Variants in PTPRN2 observed in about 807,000 individuals in gnomAD.
PTPRN2 encodes the protein receptor-type tyrosine-protein phosphatase N2.
In PTPRN2, 74 loss-of-function variants were observed where a neutral mutation model predicts 118.8. The ratio of observed to expected loss-of-function variants is 0.62; its 90% CI spans 0.52 to 0.76. The LOEUF is 0.76. Among genes scored for constraint, PTPRN2 ranks in the 30% least tolerant of loss-of-function variants. The probability of loss-of-function intolerance (pLI) is 0.00; values close to 1 mark genes in which losing one functional copy is unlikely to be tolerated. For synonymous variants in PTPRN2, 641 were observed against 608.0 expected (o/e 1.05, Z -0.80); for missense variants, 1,481 against 1,394.4 (o/e 1.06, Z -0.99).
chr7:158,575,362 C>T (rs181620251), intron 1 of PTPRN2, among the ~76,000 whole-genome samples: 26 of 152,244 alleles, frequency 1.7e-4, no homozygotes, highest in African/African-American at 6.0e-4. Context: ...CACTTTTTAA[C>T]ATTTGCTATT....
chr7:157,579,114 G>T (rs140984997), intron 17 of PTPRN2, among the ~76,000 whole-genome samples: 2 of 152,128 alleles, frequency 1.3e-5, no homozygotes, highest in Non-Finnish European at 2.9e-5. Flanking sequence ...TCATCGTAGC[G>T]CATGTTACTG....
intron 2 of PTPRN2, among the ~76,000 whole-genome samples, chr7:158,472,978 AT>A (rs999103690): frequency 9.6e-6 from 1 of 104,652 alleles, no homozygotes; most frequent in Non-Finnish European, 2.1e-5. Context: ...AGCCACTGAG[AT>A]TAGGCCTGAA....
chr7:158,320,191 ACACACACAGCCTCCC>A (rs1802884824), intron 2 of PTPRN2, among the ~76,000 whole-genome samples: 1 of 133,454 alleles, frequency 7.5e-6, no homozygotes, highest in African/African-American at 3.0e-5. Flanking sequence ...CCTCCCTCGT[ACACACACAGCCTCCC>A]TCACACACAC....
intron 12 of PTPRN2, among the ~76,000 whole-genome samples, chr7:157,824,480 C>T (rs1023444993): frequency 1.3e-5 from 2 of 152,214 alleles, no homozygotes; most frequent in Non-Finnish European, 2.9e-5. Context: ...TTCTCTGTGC[C>T]TGCATGGCGT....
Position 157,787,123 on chromosome 7 carries a change from G to A in PTPRN2, c.1789-104186C>T, listed in dbSNP as rs1804104799. ...CGGGAGGCGGACGCGGGTGCGGCGG[G>A]GGACGCGGGGGTGGCTGCCCGGGAG... On this transcript the variant is annotated intron_variant, in intron 12 of 22. Transcript: ENST00000389418. This position sits in a 1 kb window ranked among gnomAD's most constrained non-coding sequence, Gnocchi z 5.3. Among the ~76,000 whole-genome samples, 1 of 137,120 alleles carries A rather than the reference G, an allele frequency of 7.3e-6. No homozygotes were observed. Among genetic ancestry groups the A allele is most frequent in the Non-Finnish European group, 1.6e-5 (1 of 61,940 alleles). 90.0% of individuals were successfully genotyped at this position (137,120 alleles called of 152,430 possible). A position where few individuals can be genotyped will look rare whatever the true frequency, so the allele number is the denominator to read the frequency against.
rs1015100008 is a variant in PTPRN2, at chr7:157,610,395, A to G, written c.2345-6320T>C. 1.3e-5 allele frequency among the ~76,000 whole-genome samples: 2 copies of G among 152,118 alleles called. No individual in the cohort carries two copies. Among genetic ancestry groups the G allele is most frequent in the African/African-American group, 4.8e-5 (2 of 41,404 alleles). ...GCAGGAGGCCCTCTTCTTCATGTTG[A>G]TGGTGTGGCCTGTGGAGAGGTGGAG... On this transcript the variant is annotated intron_variant, in intron 15 of 22. Coordinates refer to ENST00000389418, the MANE Select transcript of PTPRN2 (RefSeq NM_002847.5). This position sits in a 1 kb window ranked among gnomAD's most constrained non-coding sequence, Gnocchi z 5.1.
At position 158,171,316 on chromosome 7, in the gene PTPRN2, T is replaced by TATACACACATAC. The variant is rs1554571682; in HGVS notation, c.550-4026_550-4025insGTATGTGTGTAT. On this transcript the variant is annotated intron_variant, in intron 5 of 22. Transcript: ENST00000389418. Reference sequence around the variant, plus strand: ...ACACATATATATACACACATATATATATATATATATATATATATATATATA... The same window carrying TATACACACATAC: ...ACACATATATATACACACATATATATATACACACATACATATATATATATATATATATATATA... 1.2e-4 allele frequency among the ~76,000 whole-genome samples: 11 copies of TATACACACATAC among 92,060 alleles called. 1 individual carries two copies. The highest frequency in any genetic ancestry group is 4.7e-4 in the African/African-American group (10 of 21,186). The allele number at this position is 92,060 out of a possible 152,430, so 60.4% of individuals were successfully genotyped here.
At position 158,525,206 on chromosome 7, in the gene PTPRN2, C is replaced by T. The variant is rs1824678492; in HGVS notation, c.113-35421G>A. 6.6e-6 allele frequency among the ~76,000 whole-genome samples: 1 copy of T among 152,162 alleles called. No individual in the cohort carries two copies. The highest frequency in any genetic ancestry group is 2.4e-5 in the African/African-American group (1 of 41,448). ...GAGCACAGCGTGAGGCAGGCCCTGA[C>T]CGCTCTGGAAGGAAAAGCACCTCTG... On this transcript the variant is annotated intron_variant, in intron 1 of 22. Transcript: ENST00000389418. The surrounding 1 kb of genome is among the most constrained non-coding windows in gnomAD (Gnocchi z 4.1).
At chr7:158,094,842 C>T (rs755840266) in intron 10 of PTPRN2, among the ~76,000 whole-genome samples, 1 of 152,164 alleles carries the variant, frequency 6.6e-6, no homozygotes, top group Non-Finnish European at 1.5e-5. Flanking sequence ...GGCTCCACTG[C>T]GCAGTCCCCA....
At position 157,964,205 on chromosome 7, in the gene PTPRN2, G is replaced by A. The variant is rs561222537; in HGVS notation, c.1724-65468C>T. Among the ~76,000 whole-genome samples, 17 of 152,162 alleles carry A rather than the reference G, an allele frequency of 1.1e-4. No individual in the cohort carries two copies. Among genetic ancestry groups the A allele is most frequent in the East Asian group, 1.9e-4 (1 of 5,164 alleles). On this transcript the variant is annotated intron_variant, in intron 11 of 22. Coordinates refer to ENST00000389418, the MANE Select transcript of PTPRN2 (RefSeq NM_002847.5). This position sits in a 1 kb window ranked among gnomAD's most constrained non-coding sequence, Gnocchi z 9.0. Reference sequence around the variant, plus strand: ...GTTGAGTTCTGGTCCTGGTCCCACCGACCTGGGCTGGAGCTCCCAGATGCT... The same window carrying A: ...GTTGAGTTCTGGTCCTGGTCCCACCAACCTGGGCTGGAGCTCCCAGATGCT...
At position 157,893,059 on chromosome 7, in the gene PTPRN2, G is replaced by A. The variant is rs1796894234; in HGVS notation, c.1788+5614C>T. On this transcript the variant is annotated intron_variant, in intron 12 of 22. Coordinates refer to ENST00000389418, the MANE Select transcript of PTPRN2 (RefSeq NM_002847.5). The surrounding 1 kb of genome is among the most constrained non-coding windows in gnomAD (Gnocchi z 4.0). ...TTTTGAAATGTAAAATGGCCACGTG[G>A]AGAAGGATAATGCTCCAGGAGCTGG... Among the ~76,000 whole-genome samples the A allele has an allele frequency of 6.6e-6, 1 of 152,242 alleles. No individual in the cohort carries two copies. Among genetic ancestry groups the A allele is most frequent in the Non-Finnish European group, 1.5e-5 (1 of 68,044 alleles).
At chr7:157,578,189 C>G (rs1347515439) in intron 17 of PTPRN2, 49 bp from the exon 18 acceptor site, 2 of 1,559,464 alleles carry the variant, frequency 1.3e-6, no homozygotes, top group Admixed American at 1.8e-5. Flanking sequence ...CTCATCACCG[C>G]GTGACATGTG....
chr7:158,103,710 A>C (rs1487561588), intron 10 of PTPRN2, among the ~76,000 whole-genome samples: 2 of 152,184 alleles, frequency 1.3e-5, no homozygotes, highest in East Asian at 3.9e-4. Context: ...GTGCCAGGTC[A>C]GTGCAGGCCC....
At chr7:158,222,701 A>G (rs1385281406) in intron 3 of PTPRN2, among the ~76,000 whole-genome samples, 1 of 152,228 alleles carries the variant, frequency 6.6e-6, no homozygotes, top group Non-Finnish European at 1.5e-5. Flanking sequence ...TGTACCCTCA[A>G]ACCGAAAACA....
chr7:158,051,859 T>C (rs909263755), intron 11 of PTPRN2, among the ~76,000 whole-genome samples: 1 of 152,268 alleles, frequency 6.6e-6, no homozygotes, highest in African/African-American at 2.4e-5. Context: ...TAAACAGCTT[T>C]GCAGGCTTGG....
chr7:157,942,136 C>T (rs62475375), intron 11 of PTPRN2, among the ~76,000 whole-genome samples: 23,420 of 146,502 alleles, frequency 0.16, 2,199 homozygotes, highest in Middle Eastern at 0.2. Context: ...GCCTTCCACA[C>T]GCACAGGGGT....
chr7:157,649,653 C>T lies in PTPRN2; in HGVS notation c.2196+6704G>A, dbSNP rs202021566. On this transcript the variant is annotated intron_variant, in intron 14 of 22. Transcript: ENST00000389418. ...TCACTGTGCACTGAACTCGGTGGGT[C>T]GGACCCATCCAGCGTGCACTGAACT... Among the ~76,000 whole-genome samples, 67 of 53,772 alleles carry T rather than the reference C, an allele frequency of 1.2e-3. 6 individuals carry two copies. Among genetic ancestry groups the T allele is most frequent in the Non-Finnish European group, 2.0e-3 (39 of 19,982 alleles). 35.3% of individuals were successfully genotyped at this position (53,772 alleles called of 152,430 possible).
At chr7:158,549,584 G>A (rs533702213) in intron 1 of PTPRN2, among the ~76,000 whole-genome samples, 4 of 152,406 alleles carry the variant, frequency 2.6e-5, no homozygotes, top group South Asian at 2.1e-4. Context: ...GCTGGGCTTC[G>A]CCTGAGCGCT....
rs1373210055 is a variant in PTPRN2, at chr7:158,563,596, T to G, written c.112+23962A>C. On this transcript the variant is annotated intron_variant, in intron 1 of 22. Coordinates refer to ENST00000389418, the MANE Select transcript of PTPRN2 (RefSeq NM_002847.5). This position sits in a 1 kb window ranked among gnomAD's most constrained non-coding sequence, Gnocchi z 5.1. ...AGCCCACCCCGATGGGAGTGTTGGA[T>G]GAAGAATCCTGCAGCTCTCGCCGGG... Among the ~76,000 whole-genome samples, 1 of 152,206 alleles carries G rather than the reference T, an allele frequency of 6.6e-6. No individual in the cohort carries two copies. The highest frequency in any genetic ancestry group is 2.4e-5 in the African/African-American group (1 of 41,452).
Sources: allele counts gnomAD v4.1 joint callset (sites outside exome capture counted in the v4.1 genomes callset), GRCh38; gene constraint gnomAD v4.1.1; non-coding constraint Gnocchi (gnomAD v3.1); transcripts MANE v1.5; gene names NCBI Gene and HGNC (gene_info 2026-07-23, HGNC 2026-07-21).